The following ACSM5 variants were observed in gnomAD, a reference collection of about 807,000 sequenced individuals.
ACSM5 encodes the protein acyl-coenzyme A synthetase ACSM5, mitochondrial.
ACSM5 carries 56 observed loss-of-function variants against 71.6 expected under a neutral mutation model. That is an observed-to-expected ratio of 0.78 (90% CI 0.63 to 0.98). The LOEUF (loss-of-function observed/expected upper bound fraction) is 0.98. Ranked by LOEUF, ACSM5 falls within the 50% of genes least tolerant of loss-of-function variation. ACSM5 has a pLI of 0.00. For missense variants in ACSM5, 723 were observed against 726.0 expected (o/e 1.00, Z 0.05); for synonymous variants, 285 against 281.5 (o/e 1.01, Z -0.12).
In ACSM5 at chr16:20,423,898, T is replaced by A. The variant is rs370386355; in HGVS notation, c.768-18T>A. On this transcript the variant is annotated intron_variant, in intron 5 of 13. Transcript: ENST00000331849. ...AGAGTCATTGCCAAGGTTACTGACGTTCTCTAATTTTTGGCAGACGGTGGG... is the reference window on the plus strand; with the variant it reads ...AGAGTCATTGCCAAGGTTACTGACGATCTCTAATTTTTGGCAGACGGTGGG... 1.1e-5 allele frequency: 18 copies of A among 1,613,480 alleles called. No individual in the cohort carries two copies. Among genetic ancestry groups the A allele is most frequent in the Non-Finnish European group, 1.5e-5 (18 of 1,179,798 alleles).
At chr16:20,438,914 C>T (rs1045097428) in intron 12 of ACSM5, among the ~76,000 whole-genome samples, 9 of 145,808 alleles carry the variant, frequency 6.2e-5, no homozygotes, top group African/African-American at 2.3e-4. Context: ...GAGATCACCT[C>T]ACTGAGCTCC....
At chr16:20,417,406 T>C (rs959681230) in intron 2 of ACSM5, among the ~76,000 whole-genome samples, 2 of 152,226 alleles carry the variant, frequency 1.3e-5, no homozygotes, top group Non-Finnish European at 2.9e-5. Context: ...TGCTATGACA[T>C]AGATAAATCT....
intron 10 of ACSM5, among the ~76,000 whole-genome samples, chr16:20,435,732 G>C (rs1967179355): frequency 6.6e-6 from 1 of 152,150 alleles, no homozygotes; most frequent in African/African-American, 2.4e-5. Flanking sequence ...CAGTTTATCT[G>C]TCTGGGTTCT....
rs183337808 is a variant in ACSM5, at chr16:20,424,501, G to A, written c.921+432G>A. The stretch of plus-strand genomic sequence containing the variant: ...TCAGGGTCTTCTCATGGGGAGGGAG[G>A]AGATTGGTGGCCCCAGTCAAGACAC... On this transcript the variant is annotated intron_variant, in intron 6 of 13. Transcript: ENST00000331849. Among the ~76,000 whole-genome samples, 8 of 152,186 alleles carry A rather than the reference G, an allele frequency of 5.3e-5. No individual in the cohort carries two copies. In the East Asian group the frequency reaches 1.3e-3, roughly 26 times the overall value.
At chr16:20,421,636 TATATATATATATATATATATACAC>T (rs1367646306) in intron 5 of ACSM5, among the ~76,000 whole-genome samples, 1 of 136,682 alleles carries the variant, frequency 7.3e-6, no homozygotes, top group African/African-American at 3.1e-5. Flanking sequence ...TATATATATA[TATATATATATATATATATATACAC>T]ACACACATAT....
chr16:20,441,278 A>G lies in ACSM5; in HGVS notation c.*851A>G, dbSNP rs1348169502. 6.6e-6 allele frequency: 1 copy of G among 152,208 alleles called. No homozygotes were observed. Among genetic ancestry groups the G allele is most frequent in the Non-Finnish European group, 1.5e-5 (1 of 68,042 alleles). The allele number at this position is 152,208 out of a possible 1,614,324, so 9.4% of individuals were successfully genotyped here. A position where few individuals can be genotyped will look rare whatever the true frequency, so the allele number is the denominator to read the frequency against. On this transcript the variant is annotated 3_prime_UTR_variant, in exon 14 of 14. Coordinates refer to ENST00000331849, the MANE Select transcript of ACSM5 (RefSeq NM_017888.3). ...TTTCCATTACATTTCTGTATTTTCC[A>G]AGTTTTTGTACGAAGCACATACAAC...
In ACSM5 at chr16:20,437,068, C is replaced by A; in HGVS notation, c.1325C>A (p.Thr442Lys). 2.5e-6 allele frequency: 4 copies of A among 1,614,156 alleles called. No individual in the cohort carries two copies. The highest frequency in any genetic ancestry group is 3.4e-6 in the Non-Finnish European group (4 of 1,180,038). ...FNCYLDNPEK[T>K]AASEQGDFYI... is the part of the protein sequence containing the mutation. Reference sequence around the variant, plus strand: ...GTCTTTCAGGACAATCCTGAGAAGACAGCTGCATCAGAACAAGGGGACTTT... The same window carrying A: ...GTCTTTCAGGACAATCCTGAGAAGAAAGCTGCATCAGAACAAGGGGACTTT... The change falls in exon 11 of 14, where the codon ACA becomes AAA. Residue 442 changes from threonine to lysine, a missense_variant. Coordinates refer to ENST00000331849, the MANE Select transcript of ACSM5 (RefSeq NM_017888.3).
At chr16:20,437,499 A>C (rs2141662596) in intron 12 of ACSM5, 132 bp downstream of exon 12, 2 of 711,806 alleles carry the variant, frequency 2.8e-6, no homozygotes, top group Non-Finnish European at 4.7e-6. Flanking sequence ...TGCCACCATC[A>C]GACACACGTT....
chr16:20,437,550 C>T lies in ACSM5; in HGVS notation c.1536+183C>T, dbSNP rs373447376. Among the ~76,000 whole-genome samples, 147 of 151,842 alleles carry T rather than the reference C, an allele frequency of 9.7e-4. 1 individual carries two copies. The highest frequency in any genetic ancestry group is 3.3e-3 in the African/African-American group (135 of 41,306). Reference sequence around the variant, plus strand: ...GAGATACAATTACTCTCTAAAGGGACATAATGGGAAAACACCAACACTTTG... The same window carrying T: ...GAGATACAATTACTCTCTAAAGGGATATAATGGGAAAACACCAACACTTTG... On this transcript the variant is annotated intron_variant, in intron 12 of 13. Coordinates refer to ENST00000331849, the MANE Select transcript of ACSM5 (RefSeq NM_017888.3).
intron 10 of ACSM5, among the ~76,000 whole-genome samples, chr16:20,433,002 C>T (rs1252058921): frequency 3.3e-5 from 5 of 151,822 alleles, no homozygotes; most frequent in South Asian, 2.1e-4. Flanking sequence ...GGACTACAGG[C>T]GCACACCACT....
chr16:20,432,378 A>C (rs1967115729), intron 10 of ACSM5, among the ~76,000 whole-genome samples: 1 of 152,220 alleles, frequency 6.6e-6, no homozygotes, highest in South Asian at 2.1e-4. Flanking sequence ...ACAGAATTAG[A>C]AGGAGCAGAA....
intron 5 of ACSM5, among the ~76,000 whole-genome samples, chr16:20,421,656 T>TACACAC (rs60844372): frequency 2.8e-5 from 3 of 106,074 alleles, no homozygotes; most frequent in African/African-American, 7.7e-5. Flanking sequence ...TATATATATA[T>TACACAC]ACACACACAC....
Position 20,418,288 on chromosome 16 carries a change from G to C in ACSM5, c.415+19G>C. The C allele has an allele frequency of 6.3e-7, 1 of 1,595,778 alleles. No individual in the cohort carries two copies. Among genetic ancestry groups the C allele is most frequent in the Non-Finnish European group, 8.5e-7 (1 of 1,169,674 alleles). ...CGGACAGGTCAGTAAGCAGGGCTGG[G>C]AATTTTAGTTGGGGGCAGACACAAC... On this transcript the variant is annotated intron_variant, in intron 3 of 13. Transcript: ENST00000331849.
chr16:20,437,947 C>T (rs954311490), intron 12 of ACSM5, among the ~76,000 whole-genome samples: 6 of 152,050 alleles, frequency 3.9e-5, no homozygotes, highest in African/African-American at 1.2e-4. Context: ...CCCAGCACCC[C>T]CCCCAGTAGC....
chr16:20,416,625 T>G (rs1966856897), intron 2 of ACSM5, among the ~76,000 whole-genome samples: 1 of 152,038 alleles, frequency 6.6e-6, no homozygotes, highest in African/African-American at 2.4e-5. Context: ...TACAAGAAAA[T>G]TTTTAGAAGA....
chr16:20,428,366 C>A (rs1967030446), intron 7 of ACSM5, among the ~76,000 whole-genome samples: 1 of 152,204 alleles, frequency 6.6e-6, no homozygotes, highest in South Asian at 2.1e-4. Flanking sequence ...AGACTAACCC[C>A]AGCCAACTGT....
chr16:20,413,150 C>T (rs1174742755), intron 2 of ACSM5, among the ~76,000 whole-genome samples: 2 of 152,222 alleles, frequency 1.3e-5, no homozygotes, highest in Non-Finnish European at 2.9e-5. Context: ...ATGCTCCATT[C>T]CTGATGGCCT....
rs762235941 is a variant in ACSM5, at chr16:20,431,292, C to A, written c.1279C>A (p.Arg427=). 3 of 1,614,164 alleles carry A rather than the reference C, an allele frequency of 1.9e-6. No homozygotes were observed. The highest frequency in any genetic ancestry group is 3.3e-5 in the Admixed American group (2 of 60,022). ...TGTTGCCGTCCGTATCAGACCCACT[C>A]GGCCCTTCTGTTTCTTCAATTGCTA... is the stretch of plus-strand genomic sequence containing the variant. ...GNVAVRIRPT[R]PFCFFNCYLD... The change falls in exon 10 of 14, where the codon CGG becomes AGG. Residue 427 remains arginine, a synonymous_variant. Coordinates refer to ENST00000331849, the MANE Select transcript of ACSM5 (RefSeq NM_017888.3).
chr16:20,419,118 C>A lies in ACSM5; in HGVS notation c.416-110C>A, dbSNP rs919253756. 9 of 869,788 alleles carry A rather than the reference C, an allele frequency of 1.0e-5. 1 individual carries two copies. The Admixed American group carries it at 1.3e-4, about 12-fold the overall frequency. 53.9% of individuals were successfully genotyped at this position (869,788 alleles called of 1,614,324 possible). On this transcript the variant is annotated intron_variant, in intron 3 of 13. Transcript: ENST00000331849. ...GTTATTATTATTATTGTTACGTCTT[C>A]CAGCTCATGCATTCCAACCCTCCCC...
Sources: allele counts gnomAD v4.1 joint callset (sites outside exome capture counted in the v4.1 genomes callset), GRCh38; gene constraint gnomAD v4.1.1; transcripts MANE v1.5; gene names NCBI Gene and HGNC (gene_info 2026-07-23, HGNC 2026-07-21).